The following DCAF8L2 variants were observed in gnomAD, a reference collection of about 807,000 sequenced individuals.
The protein encoded by DCAF8L2 is DDB1- and CUL4-associated factor 8-like protein 2.
For missense variants in DCAF8L2, 430 were observed against 490.7 expected (o/e 0.88, Z 1.17); for synonymous variants, 200 against 190.9 (o/e 1.05, Z -0.39).
At chrX:27,515,044 A>G in the DCAF8L2 span, among the ~76,000 whole-genome samples, 1 of 111,998 alleles carries the variant, frequency 8.9e-6, no homozygotes, top group African/African-American at 3.2e-5. Context: ...TGTTGCCACC[A>G]CAAAAAATTT....
chrX:27,698,022 T>C (rs1337414949), intron 3 of DCAF8L2, among the ~76,000 whole-genome samples: 1 of 110,098 alleles, frequency 9.1e-6, no homozygotes, highest in Admixed American at 9.6e-5. Context: ...AAAATTTTTT[T>C]TATTAACTAT....
At chrX:27,600,183 T>C (rs1926575829) in intron 1 of DCAF8L2, among the ~76,000 whole-genome samples, 1 of 112,176 alleles carries the variant, frequency 8.9e-6, no homozygotes, top group South Asian at 3.7e-4. Context: ...CATTGATTTG[T>C]ACATCATTGT....
Position 27,698,233 on chromosome X carries a change from T to A in DCAF8L2, c.-142-17855T>A, listed in dbSNP as rs767180975. ...AATGCAAAGAAAAGTTTTGTTTTAT[T>A]TATATATGTTATTAATTTGGAAGGC... On this transcript the variant is annotated intron_variant, in intron 3 of 4. Transcript: ENST00000451261. 1.9e-4 allele frequency among the ~76,000 whole-genome samples: 21 copies of A among 111,748 alleles called. No homozygotes were observed. The South Asian group carries it at 7.5e-3, about 40-fold the overall frequency.
chrX:27,615,104 A>G (rs927825071), intron 1 of DCAF8L2, among the ~76,000 whole-genome samples: 3 of 110,530 alleles, frequency 2.7e-5, no homozygotes, highest in Non-Finnish European at 5.7e-5. Flanking sequence ...GTGGGGAAAG[A>G]TGTGTGAGAG....
At chrX:27,642,415 TG>T (rs1193775647) in intron 2 of DCAF8L2, among the ~76,000 whole-genome samples, 2 of 111,145 alleles carry the variant, frequency 1.8e-5, no homozygotes, top group African/African-American at 6.5e-5. Flanking sequence ...TTTTTTTTTC[TG>T]GCTCCGATTG....
chrX:27,537,184 A>G, the DCAF8L2 span, among the ~76,000 whole-genome samples: 76 of 112,404 alleles, frequency 6.8e-4, no homozygotes, highest in African/African-American at 2.3e-3. Context: ...ACAAAAGTGA[A>G]TAGAGCATTG....
chrX:27,658,657 A>G (rs1050103351), intron 2 of DCAF8L2, among the ~76,000 whole-genome samples: 1 of 111,967 alleles, frequency 8.9e-6, no homozygotes, highest in Non-Finnish European at 1.9e-5. Flanking sequence ...TCTGTTGAGG[A>G]AAGAGCATCA....
At chrX:27,699,909 C>A (rs1465404664) in intron 3 of DCAF8L2, among the ~76,000 whole-genome samples, 1 of 110,550 alleles carries the variant, frequency 9.0e-6, no homozygotes, top group African/African-American at 3.3e-5. Flanking sequence ...GTGGTGTGCA[C>A]CTGTAGTCCT....
intron 3 of DCAF8L2, among the ~76,000 whole-genome samples, chrX:27,709,516 A>G: frequency 8.9e-6 from 1 of 111,975 alleles, no homozygotes; most frequent in Non-Finnish European, 1.9e-5. Context: ...GGTTCTTCTC[A>G]CACTGTATCT....
chrX:27,590,174 G>C (rs1926004096), upstream of DCAF8L2, among the ~76,000 whole-genome samples: 1 of 111,282 alleles, frequency 9.0e-6, no homozygotes, highest in Non-Finnish European at 1.9e-5. Context: ...ATCAAAATTA[G>C]ATTAGGATGG....
At chrX:27,634,744 G>C (rs1928426660) in intron 2 of DCAF8L2, among the ~76,000 whole-genome samples, 1 of 110,812 alleles carries the variant, frequency 9.0e-6, no homozygotes, top group African/African-American at 3.3e-5. Context: ...TGAAAACTTT[G>C]TTTCATGCAC....
chrX:27,524,880 T>C, the DCAF8L2 span, among the ~76,000 whole-genome samples: 21 of 112,021 alleles, frequency 1.9e-4, no homozygotes, highest in South Asian at 7.8e-3. Context: ...TTTGATTGCA[T>C]TGTGATCTGA....
chrX:27,748,274 G>A lies in DCAF8L2; in HGVS notation c.1379G>A (p.Ser460Asn), dbSNP rs1922377861. The A allele has an allele frequency of 8.3e-7, 1 of 1,210,027 alleles. No individual in the cohort carries two copies. Among genetic ancestry groups the A allele is most frequent in the Admixed American group, 2.2e-5 (1 of 45,775 alleles). ...NSSHSDGAQY[S>N]KRFKGHRNNT... ...TCTCACAGTGATGGTGCTCAATACA[G>A]TAAGAGATTTAAGGGACACAGAAAT... is the stretch of plus-strand genomic sequence containing the variant. The change falls in exon 5 of 5, where the codon AGT (serine) becomes AAT (asparagine). Residue 460 changes from serine to asparagine, a missense_variant. Coordinates refer to ENST00000451261, the MANE Select transcript of DCAF8L2 (RefSeq NM_001353450.2).
upstream of DCAF8L2, among the ~76,000 whole-genome samples, chrX:27,586,866 G>C (rs1925913688): frequency 9.0e-6 from 1 of 110,822 alleles, no homozygotes; most frequent in Non-Finnish European, 1.9e-5. Flanking sequence ...ATGATGGCCT[G>C]TCCTGTTCTA....
chrX:27,743,141 G>C (rs1266016295), intron 4 of DCAF8L2, among the ~76,000 whole-genome samples: 2 of 110,872 alleles, frequency 1.8e-5, no homozygotes, highest in Non-Finnish European at 3.8e-5. Flanking sequence ...GAGTGCAGTG[G>C]CATAAATACG....
chrX:27,663,864 ATTTTTTTTTTTT>A (rs80069253), intron 2 of DCAF8L2, among the ~76,000 whole-genome samples: 2 of 69,009 alleles, frequency 2.9e-5, no homozygotes, highest in African/African-American at 1.1e-4. Flanking sequence ...CACCTGGCTA[ATTTTTTTTTTTT>A]TTTTTTTTTT....
At chrX:27,680,955 A>T (rs760301554) in intron 3 of DCAF8L2, among the ~76,000 whole-genome samples, 15 of 112,080 alleles carry the variant, frequency 1.3e-4, no homozygotes, top group Non-Finnish European at 2.4e-4. Flanking sequence ...AGATGAAGTC[A>T]TTCAGGGATA....
At chrX:27,611,944 T>C (rs991395654) in intron 1 of DCAF8L2, among the ~76,000 whole-genome samples, 8 of 111,559 alleles carry the variant, frequency 7.2e-5, no homozygotes, top group Non-Finnish European at 1.5e-4. Context: ...TTATAAGCCT[T>C]TGGGTATATA....
chrX:27,548,952 T>A, the DCAF8L2 span, among the ~76,000 whole-genome samples: 3 of 111,548 alleles, frequency 2.7e-5, no homozygotes, highest in Non-Finnish European at 5.6e-5. Context: ...GGTCTTGAAA[T>A]TTTATTTCTT....
Sources: allele counts gnomAD v4.1 joint callset (sites outside exome capture counted in the v4.1 genomes callset), GRCh38; gene constraint gnomAD v4.1.1; transcripts MANE v1.5; gene names NCBI Gene and HGNC (gene_info 2026-07-23, HGNC 2026-07-21).